The following KATNIP variants were observed in gnomAD, a reference collection of about 807,000 sequenced individuals.
KATNIP encodes the protein katanin interacting protein.
Under a neutral mutation model 174.0 loss-of-function variants are expected in KATNIP, and 126 were observed. The ratio of observed to expected loss-of-function variants is 0.72; its 90% CI spans 0.63 to 0.84. The LOEUF (loss-of-function observed/expected upper bound fraction) is 0.84. Ranked by LOEUF, KATNIP falls within the 40% of genes least tolerant of loss-of-function variation. The pLI, the probability that KATNIP is intolerant of heterozygous loss-of-function variation, is 0.00. For synonymous variants in KATNIP, 810 were observed against 835.7 expected (o/e 0.97, Z 0.53); for missense variants, 1,958 against 2,109.7 (o/e 0.93, Z 1.41).
chr16:27,753,365 C>T (rs1659510716), intron 17 of KATNIP, among the ~76,000 whole-genome samples: 2 of 152,150 alleles, frequency 1.3e-5, no homozygotes, highest in Non-Finnish European at 2.9e-5. Context: ...CTACCCTGGG[C>T]GCTTCCATTT....
At chr16:27,624,677 G>A (rs142545630) in intron 3 of KATNIP, among the ~76,000 whole-genome samples, 9 of 152,148 alleles carry the variant, frequency 5.9e-5, no homozygotes, top group Admixed American at 1.3e-4. Flanking sequence ...AAAATTAGCC[G>A]GGTGTGGTGG....
At chr16:27,626,592 A>C (rs909910774) in intron 3 of KATNIP, among the ~76,000 whole-genome samples, 2 of 152,128 alleles carry the variant, frequency 1.3e-5, no homozygotes, top group African/African-American at 4.8e-5. Context: ...TATAATAGCT[A>C]TGTGACCTTG....
intron 19 of KATNIP, among the ~76,000 whole-genome samples, 157 bp from the exon 20 acceptor site, chr16:27,766,152 G>A (rs903927252): frequency 3.3e-5 from 5 of 149,450 alleles, no homozygotes; most frequent in African/African-American, 1.2e-4. Flanking sequence ...TCTGACTGTT[G>A]TTCTCAGCAG....
intron 14 of KATNIP, among the ~76,000 whole-genome samples, chr16:27,736,584 C>G (rs983949688): frequency 6.6e-6 from 1 of 152,120 alleles, no homozygotes; most frequent in South Asian, 2.1e-4. Context: ...TGCACAGGCT[C>G]TAAGGCAGGA....
intron 2 of KATNIP, among the ~76,000 whole-genome samples, chr16:27,598,223 G>A (rs537286473): frequency 1.9e-4 from 27 of 138,522 alleles, no homozygotes; most frequent in African/African-American, 6.7e-4. Context: ...CAGCCTGGGC[G>A]ACAGAGCAAG....
At chr16:27,554,642 G>A (rs74901465) in intron 1 of KATNIP, among the ~76,000 whole-genome samples, 7 of 152,034 alleles carry the variant, frequency 4.6e-5, no homozygotes, top group African/African-American at 7.2e-5. Context: ...GTCTTAGGAC[G>A]TTATTGTAGC....
chr16:27,581,619 G>T (rs1335548084), intron 2 of KATNIP, among the ~76,000 whole-genome samples: 1 of 152,116 alleles, frequency 6.6e-6, no homozygotes, highest in African/African-American at 2.4e-5. Flanking sequence ...AGGTTTGGGG[G>T]GAACCGGTGG....
intron 8 of KATNIP, among the ~76,000 whole-genome samples, chr16:27,697,119 T>C (rs940508042): frequency 6.6e-6 from 1 of 152,238 alleles, no homozygotes; most frequent in Non-Finnish European, 1.5e-5. Flanking sequence ...TGAACAGACA[T>C]GTGCATGTGT....
At chr16:27,751,131 T>C (rs778498617) in intron 16 of KATNIP, among the ~76,000 whole-genome samples, 80 of 152,084 alleles carry the variant, frequency 5.3e-4, no homozygotes, top group Admixed American at 1.8e-3. Context: ...CCCTAGAACC[T>C]GAGTCTGAGA....
intron 1 of KATNIP, among the ~76,000 whole-genome samples, chr16:27,557,956 G>A (rs2141564914): frequency 6.6e-6 from 1 of 152,204 alleles, no homozygotes; most frequent in South Asian, 2.1e-4. Context: ...CCCACCACCC[G>A]AGTTAAGTGG....
At chr16:27,775,368 G>A (rs568235422) in intron 24 of KATNIP, among the ~76,000 whole-genome samples, 11 of 152,342 alleles carry the variant, frequency 7.2e-5, no homozygotes, top group South Asian at 2.1e-4. Context: ...GGGCTTGGGC[G>A]TCCTGGGTCC....
intron 1 of KATNIP, among the ~76,000 whole-genome samples, chr16:27,559,518 C>T (rs1567434644): frequency 6.6e-6 from 1 of 151,246 alleles, no homozygotes; most frequent in Non-Finnish European, 1.5e-5. Context: ...CCCACCTCTA[C>T]AAAAAATTGT....
intron 20 of KATNIP, among the ~76,000 whole-genome samples, chr16:27,768,542 G>T (rs975910921): frequency 8.5e-5 from 13 of 152,174 alleles, no homozygotes; most frequent in African/African-American, 3.1e-4. Context: ...TCCAAGCCCA[G>T]CAGAAGAGAA....
chr16:27,672,894 G>A (rs1242066470), intron 6 of KATNIP, among the ~76,000 whole-genome samples: 1 of 152,154 alleles, frequency 6.6e-6, no homozygotes, highest in Admixed American at 6.6e-5. Context: ...AATCCTTCCT[G>A]AAACTGGCCA....
At chr16:27,599,721 T>A (rs1253926534) in intron 2 of KATNIP, among the ~76,000 whole-genome samples, 1 of 152,194 alleles carries the variant, frequency 6.6e-6, no homozygotes, top group Non-Finnish European at 1.5e-5. Flanking sequence ...ACCCCTTTCT[T>A]ACTCCAACTT....
In KATNIP at chr16:27,776,870, C is replaced by T; in HGVS notation, c.4450-58C>T. ...CAGCCCACGCCTGGCACCCCCAGCCCAGCCAAGCGCCTCTGTTTCCAAACA... is the reference window on the plus strand; with the variant it reads ...CAGCCCACGCCTGGCACCCCCAGCCTAGCCAAGCGCCTCTGTTTCCAAACA... On this transcript the variant is annotated intron_variant, in intron 24 of 27. Transcript: ENST00000261588. This position sits in a 1 kb window ranked among gnomAD's most constrained non-coding sequence, Gnocchi z 4.7. The T allele has an allele frequency of 3.1e-6, 4 of 1,303,204 alleles. No homozygotes were observed. The highest frequency in any genetic ancestry group is 4.4e-6 in the Non-Finnish European group (4 of 899,798). 80.7% of individuals were successfully genotyped at this position (1,303,204 alleles called of 1,614,324 possible).
At position 27,708,728 on chromosome 16, in the gene KATNIP, C is replaced by G. The variant is rs371872875; in HGVS notation, c.1413C>G (p.Asp471Glu). 1.2e-6 allele frequency: 2 copies of G among 1,613,638 alleles called. No individual in the cohort carries two copies. The highest frequency in any genetic ancestry group is 1.7e-6 in the Non-Finnish European group (2 of 1,179,738). Reference protein sequence around the residue: ...DTEDKQRMRADEIKDAIYVTM... With the variant: ...DTEDKQRMRAEEIKDAIYVTM... ...AGGACAAACAGAGAATGAGGGCAGACGAGATCAAAGATGCCATCTACGTGA... is the reference window on the plus strand; with the variant it reads ...AGGACAAACAGAGAATGAGGGCAGAGGAGATCAAAGATGCCATCTACGTGA... Residue 471 changes from aspartate (D) to glutamate (E), a missense_variant, in exon 13 of 28, where the codon GAC becomes GAG. This residue lies in a region of KATNIP where 1,557 missense variants were observed against 1,617.8 expected (regional missense o/e 0.96). Coordinates refer to ENST00000261588, the MANE Select transcript of KATNIP (RefSeq NM_015202.5).
chr16:27,652,546 G>A (rs552351124), intron 6 of KATNIP, among the ~76,000 whole-genome samples: 19 of 152,228 alleles, frequency 1.2e-4, no homozygotes, highest in Admixed American at 3.3e-4. Context: ...CTTGCTGGGC[G>A]CTGTGGCTCA....
At chr16:27,653,690 G>A (rs375346863) in intron 6 of KATNIP, among the ~76,000 whole-genome samples, 47 of 147,096 alleles carry the variant, frequency 3.2e-4, no homozygotes, top group African/African-American at 6.1e-4. Flanking sequence ...ACAAAGTCTC[G>A]CTCTGCCACC....
Sources: gnomAD v4.1 joint callset for allele counts (sites outside exome capture counted in the v4.1 genomes callset) on GRCh38, gnomAD v4.1.1 for gene constraint, gnomAD v4.1.1 regional missense constraint, Gnocchi (gnomAD v3.1) non-coding constraint, MANE v1.5 for transcripts, NCBI Gene and HGNC (gene_info 2026-07-23, HGNC 2026-07-21) for gene names.